Variants in IGF2BP3 observed in about 807,000 individuals in gnomAD.
IGF2BP3 encodes the protein insulin like growth factor 2 mRNA binding protein 3.
In IGF2BP3, 9 loss-of-function variants were observed where a neutral mutation model predicts 73.8. The observed-to-expected ratio is 0.12, with a 90% confidence interval of 0.07 to 0.21. IGF2BP3 has a LOEUF of 0.21. Ranked by LOEUF, IGF2BP3 falls within the 10% of genes least tolerant of loss-of-function variation. The pLI is 1.00. For synonymous variants in IGF2BP3, 258 were observed against 256.7 expected (o/e 1.01, Z -0.05); for missense variants, 542 against 714.0 (o/e 0.76, Z 2.75).
At chr7:23,447,517 C>A (rs765497072) in intron 2 of IGF2BP3, among the ~76,000 whole-genome samples, 1 of 150,806 alleles carries the variant, frequency 6.6e-6, no homozygotes, top group Non-Finnish European at 1.5e-5. Context: ...CCCAGCTACT[C>A]GGGAGGCTGA....
At chr7:23,406,045 G>C (rs1786818783) in intron 3 of IGF2BP3, among the ~76,000 whole-genome samples, 1 of 148,292 alleles carries the variant, frequency 6.7e-6, no homozygotes, top group Non-Finnish European at 1.5e-5. Flanking sequence ...AGAAATAAAA[G>C]CCATGATCAA....
chr7:23,429,725 G>A (rs1023510185), intron 2 of IGF2BP3, among the ~76,000 whole-genome samples: 3 of 152,124 alleles, frequency 2.0e-5, no homozygotes, highest in Admixed American at 1.3e-4. Flanking sequence ...GAGAGGAAAG[G>A]CAACTATGAG....
intron 2 of IGF2BP3, among the ~76,000 whole-genome samples, chr7:23,457,374 A>G (rs1054489574): frequency 1.1e-4 from 16 of 152,152 alleles, no homozygotes; most frequent in Admixed American, 2.0e-4. Flanking sequence ...CTGAAGCATG[A>G]GAATCCCTTG....
At chr7:23,432,934 T>C (rs2128542530) in intron 2 of IGF2BP3, among the ~76,000 whole-genome samples, 1 of 152,332 alleles carries the variant, frequency 6.6e-6, no homozygotes, top group Non-Finnish European at 1.5e-5. Flanking sequence ...GCCCAGCCTG[T>C]ATATGTGCCT....
chr7:23,458,651 T>C (rs1788375047), intron 2 of IGF2BP3, among the ~76,000 whole-genome samples: 1 of 152,180 alleles, frequency 6.6e-6, no homozygotes, highest in African/African-American at 2.4e-5. Context: ...AAGCCACTTA[T>C]ATTAAGATGA....
intron 10 of IGF2BP3, among the ~76,000 whole-genome samples, chr7:23,336,264 C>T (rs1784570147): frequency 6.6e-6 from 1 of 151,900 alleles, no homozygotes. Flanking sequence ...AAAATAAAAG[C>T]AGAAGTTCAC....
chr7:23,373,965 C>G (rs765430016), intron 3 of IGF2BP3, among the ~76,000 whole-genome samples: 1 of 152,208 alleles, frequency 6.6e-6, no homozygotes, highest in African/African-American at 2.4e-5. Flanking sequence ...TACCTTTCAC[C>G]ATGAGTAAAT....
intron 3 of IGF2BP3, among the ~76,000 whole-genome samples, chr7:23,382,932 G>A (rs1785958658): frequency 1.4e-5 from 2 of 146,870 alleles, no homozygotes; most frequent in South Asian, 4.5e-4. Flanking sequence ...AATCAGCTAG[G>A]TGCAGTGGCT....
At chr7:23,319,689 T>A (rs1486623160) in intron 10 of IGF2BP3, among the ~76,000 whole-genome samples, 1 of 152,166 alleles carries the variant, frequency 6.6e-6, no homozygotes, top group African/African-American at 2.4e-5. Flanking sequence ...CCACACCTTA[T>A]CTATGTAGGT....
chr7:23,412,517 C>T (rs1008377430), intron 3 of IGF2BP3, among the ~76,000 whole-genome samples: 6 of 152,148 alleles, frequency 3.9e-5, no homozygotes, highest in Admixed American at 2.6e-4. Context: ...ACAGTCATTC[C>T]AGTCATGAGT....
intron 3 of IGF2BP3, among the ~76,000 whole-genome samples, chr7:23,376,759 A>G (rs1407924764): frequency 6.6e-6 from 1 of 151,794 alleles, no homozygotes; most frequent in East Asian, 1.9e-4. Context: ...TCCCAGCTAC[A>G]CGACAGGCTG....
intron 3 of IGF2BP3, among the ~76,000 whole-genome samples, chr7:23,384,876 G>C (rs1432079044): frequency 8.3e-6 from 1 of 120,190 alleles, no homozygotes; most frequent in Non-Finnish European, 1.7e-5. Flanking sequence ...GGGTGACAGA[G>C]TGAGACTATC....
intron 2 of IGF2BP3, among the ~76,000 whole-genome samples, chr7:23,467,180 T>G (rs1009909565): frequency 1.3e-5 from 2 of 152,202 alleles, no homozygotes; most frequent in Non-Finnish European, 2.9e-5. Flanking sequence ...AATTTAAGTA[T>G]GAGAACAAGA....
intron 7 of IGF2BP3, 97 bp downstream of exon 7, chr7:23,347,501 CCT>C: frequency 7.8e-7 from 1 of 1,283,408 alleles, no homozygotes; most frequent in South Asian, 1.4e-5. Context: ...ATATCATTTC[CCT>C]CTGTTTGTTG....
chr7:23,418,653 A>T (rs1787259866), intron 3 of IGF2BP3, 123 bp downstream of exon 3: 1 of 632,634 alleles, frequency 1.6e-6, no homozygotes, highest in Admixed American at 2.9e-5. Context: ...GGCACGGGTC[A>T]TAGGAGAAGA....
At chr7:23,332,653 C>A (rs968021922) in intron 10 of IGF2BP3, among the ~76,000 whole-genome samples, 10 of 152,214 alleles carry the variant, frequency 6.6e-5, no homozygotes, top group African/African-American at 2.4e-4. Context: ...AGAAGAACAG[C>A]ATCTCTCTTT....
intron 2 of IGF2BP3, among the ~76,000 whole-genome samples, chr7:23,445,283 T>G (rs562593777): frequency 1.3e-5 from 2 of 152,332 alleles, no homozygotes; most frequent in South Asian, 4.1e-4. Flanking sequence ...TTTAATTAAT[T>G]TAGAGAAAAC....
intron 5 of IGF2BP3, among the ~76,000 whole-genome samples, chr7:23,359,197 T>C (rs1225132327): frequency 6.6e-6 from 1 of 152,230 alleles, no homozygotes; most frequent in Non-Finnish European, 1.5e-5. Context: ...GTTAGGATTC[T>C]TTTCAGCAAT....
intron 5 of IGF2BP3, among the ~76,000 whole-genome samples, chr7:23,359,017 T>C (rs1055455200): frequency 1.3e-5 from 2 of 152,220 alleles, no homozygotes; most frequent in African/African-American, 4.8e-5. Flanking sequence ...TGAAGACTAC[T>C]TCCCTAATCA....
Sources: allele counts gnomAD v4.1 joint callset (sites outside exome capture counted in the v4.1 genomes callset), GRCh38; gene constraint gnomAD v4.1.1; transcripts MANE v1.5; gene names NCBI Gene and HGNC (gene_info 2026-07-23, HGNC 2026-07-21).